The following RAPGEF6 variants were observed in gnomAD, a reference collection of about 807,000 sequenced individuals.
RAPGEF6 encodes Rap guanine nucleotide exchange factor 6.
RAPGEF6 carries 56 observed loss-of-function variants against 171.4 expected under a neutral mutation model. The observed-to-expected ratio is 0.33, with a 90% CI of 0.26 to 0.41. The LOEUF is 0.41. Ranked by LOEUF, RAPGEF6 falls within the 10% of genes least tolerant of loss-of-function variation. The probability of loss-of-function intolerance (pLI) is 1.00; values close to 1 mark genes in which losing one functional copy is unlikely to be tolerated. For synonymous variants in RAPGEF6, 692 were observed against 650.1 expected (o/e 1.06, Z -0.98); for missense variants, 1,674 against 1,921.4 (o/e 0.87, Z 2.41).
intron 6 of RAPGEF6, among the ~76,000 whole-genome samples, chr5:131,533,918 T>G (rs532640531): frequency 1.3e-5 from 2 of 152,224 alleles, no homozygotes; most frequent in South Asian, 4.1e-4. Context: ...CACACCCTCT[T>G]CCATCTGAAA....
chr5:131,476,654 C>T (rs1755116446), intron 16 of RAPGEF6, among the ~76,000 whole-genome samples: 1 of 151,996 alleles, frequency 6.6e-6, no homozygotes, highest in Non-Finnish European at 1.5e-5. Context: ...GCCTCAGCCT[C>T]CCAAGCAGCT....
At chr5:131,547,913 G>A in intron 6 of RAPGEF6, 134 bp downstream of exon 6, 1 of 893,100 alleles carries the variant, frequency 1.1e-6, no homozygotes, top group Non-Finnish European at 1.7e-6. Context: ...CATTTAAAAA[G>A]ATTATATATT....
At chr5:131,445,382 A>G (rs529643165) in intron 22 of RAPGEF6, among the ~76,000 whole-genome samples, 3 of 152,222 alleles carry the variant, frequency 2.0e-5, no homozygotes, top group Non-Finnish European at 2.9e-5. Flanking sequence ...TGCAAATACC[A>G]TATCATTTAT....
chr5:131,505,038 T>C (rs1364381497), intron 10 of RAPGEF6, among the ~76,000 whole-genome samples: 1 of 151,810 alleles, frequency 6.6e-6, no homozygotes, highest in Non-Finnish European at 1.5e-5. Flanking sequence ...AAAGAACATA[T>C]GAAGCAGGAG....
intron 1 of RAPGEF6, among the ~76,000 whole-genome samples, chr5:131,614,085 C>T (rs1281979802): frequency 2.0e-5 from 3 of 152,036 alleles, no homozygotes; most frequent in African/African-American, 7.2e-5. Flanking sequence ...AGTTGGAGAT[C>T]AGCCTGGTCA....
At chr5:131,601,497 G>C (rs778314363) in intron 3 of RAPGEF6, among the ~76,000 whole-genome samples, 6 of 151,496 alleles carry the variant, frequency 4.0e-5, no homozygotes, top group Non-Finnish European at 8.8e-5. Context: ...CAAATCAACA[G>C]AAATGATAAA....
At chr5:131,529,901 C>CA (rs1759254076) in intron 6 of RAPGEF6, among the ~76,000 whole-genome samples, 1 of 119,776 alleles carries the variant, frequency 8.3e-6, no homozygotes, top group Non-Finnish European at 1.7e-5. Flanking sequence ...TTGTCTCCCT[C>CA]TTTTTTTTTT....
chr5:131,466,150 T>C (rs1754325573), intron 17 of RAPGEF6, among the ~76,000 whole-genome samples: 1 of 144,922 alleles, frequency 6.9e-6, no homozygotes, highest in Non-Finnish European at 1.5e-5. Flanking sequence ...CAACTGAATA[T>C]ACATGAATAT....
At chr5:131,560,957 T>C (rs1221430421) in intron 5 of RAPGEF6, among the ~76,000 whole-genome samples, 2 of 152,242 alleles carry the variant, frequency 1.3e-5, no homozygotes, top group Non-Finnish European at 2.9e-5. Flanking sequence ...CATTAAGAAT[T>C]CAATTTCTCT....
At chr5:131,514,458 A>G (rs991427852) in intron 7 of RAPGEF6, among the ~76,000 whole-genome samples, 1 of 152,164 alleles carries the variant, frequency 6.6e-6, no homozygotes, top group East Asian at 1.9e-4. Context: ...TTCAGCATAC[A>G]ATAAAAACTT....
At chr5:131,624,122 C>T (rs1476649017) in intron 1 of RAPGEF6, among the ~76,000 whole-genome samples, 1 of 152,174 alleles carries the variant, frequency 6.6e-6, no homozygotes, top group Admixed American at 6.5e-5. Context: ...TGTAGGCTAT[C>T]ATTTACTGTT....
At chr5:131,448,587 G>A (rs991078262) in intron 21 of RAPGEF6, among the ~76,000 whole-genome samples, 1 of 152,040 alleles carries the variant, frequency 6.6e-6, no homozygotes, top group Non-Finnish European at 1.5e-5. Flanking sequence ...TTTTATCTTA[G>A]TTAATATAAA....
intron 15 of RAPGEF6, among the ~76,000 whole-genome samples, chr5:131,489,193 A>G (rs990898010): frequency 6.6e-6 from 1 of 152,202 alleles, no homozygotes; most frequent in Non-Finnish European, 1.5e-5. Flanking sequence ...TAATTTGCAC[A>G]CTAGCTGGGG....
At chr5:131,450,298 C>G (rs1244567205) in intron 21 of RAPGEF6, among the ~76,000 whole-genome samples, 1 of 151,970 alleles carries the variant, frequency 6.6e-6, no homozygotes, top group Non-Finnish European at 1.5e-5. Context: ...ATTTTAAATA[C>G]CTAATTCATC....
At chr5:131,614,856 T>A (rs2085285628) in intron 1 of RAPGEF6, among the ~76,000 whole-genome samples, 1 of 152,240 alleles carries the variant, frequency 6.6e-6, no homozygotes, top group African/African-American at 2.4e-5. Context: ...GTATTCCAAG[T>A]AATTCTGTAG....
chr5:131,561,552 C>G (rs1433348284), intron 5 of RAPGEF6, among the ~76,000 whole-genome samples: 1 of 150,894 alleles, frequency 6.6e-6, no homozygotes, highest in Non-Finnish European at 1.5e-5. Context: ...CCCAGCTACT[C>G]AGGAGGCTAG....
intron 4 of RAPGEF6, among the ~76,000 whole-genome samples, chr5:131,578,614 C>T (rs1463562857): frequency 6.6e-6 from 1 of 152,144 alleles, no homozygotes; most frequent in African/African-American, 2.4e-5. Flanking sequence ...ACAACTATCC[C>T]TGTTGCCACT....
intron 7 of RAPGEF6, chr5:131,511,362 G>A (rs1757708326): frequency 6.6e-6 from 1 of 151,510 alleles, no homozygotes; most frequent in Non-Finnish European, 1.5e-5. Context: ...GAACACACAA[G>A]AATTCCCTAA....
chr5:131,507,085 C>T (rs1221836502), intron 9 of RAPGEF6, among the ~76,000 whole-genome samples: 1 of 148,980 alleles, frequency 6.7e-6, no homozygotes, highest in African/African-American at 2.5e-5. Flanking sequence ...TAACCTACAG[C>T]TATATAATAA....
Sources: gnomAD v4.1 joint callset for allele counts (sites outside exome capture counted in the v4.1 genomes callset) on GRCh38, gnomAD v4.1.1 for gene constraint, MANE v1.5 for transcripts, NCBI Gene and HGNC (gene_info 2026-07-23, HGNC 2026-07-21) for gene names.